CCDC106: variants seen among roughly 807,000 people sequenced by gnomAD.
The protein encoded by CCDC106 is coiled-coil domain containing 106.
In CCDC106, 17 loss-of-function variants were observed where a neutral mutation model predicts 24.7. The observed-to-expected ratio is 0.69, with a 90% CI of 0.47 to 1.03. The LOEUF (loss-of-function observed/expected upper bound fraction) is 1.03. Among genes scored for constraint, CCDC106 ranks in the 50% least tolerant of loss-of-function variants. CCDC106 has a pLI of 0.00. For synonymous variants in CCDC106, 211 were observed against 161.3 expected, an observed-to-expected ratio of 1.31 and a Z score of -2.34; for missense variants, 337 against 388.9, an observed-to-expected ratio of 0.87 and a Z score of 1.12.
chr19:55,649,497 C>T lies in CCDC106; in HGVS notation c.226C>T (p.Gln76Ter), dbSNP rs1983097108. The change falls in exon 3 of 5, where the codon CAG becomes TAG. Residue 76 changes from glutamine to a stop codon, truncating the protein, a stop_gained. Coordinates refer to ENST00000586790, the MANE Select transcript of CCDC106 (RefSeq NM_001370470.1). LOFTEE classifies it high-confidence loss of function. The stretch of plus-strand genomic sequence containing the variant: ...GGCTCTGGAGAGGAACTCCTGGCTG[C>T]AGAAGCGCATCGAGGACCTGGAGGA... ...HMALERNSWL[Q>*]KRIEDLEEER... The T allele has an allele frequency of 6.2e-7, 1 of 1,614,024 alleles. No homozygotes were observed. The highest frequency in any genetic ancestry group is 1.3e-5 in the African/African-American group (1 of 74,928).
At chr19:55,650,177 G>A (rs1369246679) in intron 3 of CCDC106, among the ~76,000 whole-genome samples, 2 of 152,022 alleles carry the variant, frequency 1.3e-5, no homozygotes, top group African/African-American at 4.8e-5. Context: ...TTTTTGGGTG[G>A]TGACCCCAGC....
At position 55,650,390 on chromosome 19, in the gene CCDC106, C is replaced by T. The variant is rs554535623; in HGVS notation, c.313+806C>T. Among the ~76,000 whole-genome samples the T allele has an allele frequency of 1.3e-4, 20 of 152,332 alleles. 1 individual carries two copies. Among genetic ancestry groups the T allele is most frequent in the South Asian group, 8.3e-4 (4 of 4,828 alleles). ...TTTTGGACCCCAGCCCCATCCTCTT[C>T]CCCGGATGGTCAGGCCGTTTGCCCG... On this transcript the variant is annotated intron_variant, in intron 3 of 4. Transcript: ENST00000586790.
At chr19:55,647,865 C>G (rs1336560196), upstream of CCDC106, 1 of 152,114 alleles carries the variant, frequency 6.6e-6, no homozygotes, top group Admixed American at 6.5e-5. Context: ...CAAACACTCT[C>G]CTGCCTTCTG....
In CCDC106 at chr19:55,652,313, G is replaced by C; in HGVS notation, c.527-117G>C. The C allele has an allele frequency of 3.6e-6, 3 of 831,496 alleles. No individual in the cohort carries two copies. The highest frequency in any genetic ancestry group is 5.7e-6 in the Non-Finnish European group (3 of 526,682). 51.5% of individuals were successfully genotyped at this position (831,496 alleles called of 1,614,324 possible). A position where few individuals can be genotyped will look rare whatever the true frequency, so the allele number is the denominator to read the frequency against. On this transcript the variant is annotated intron_variant, in intron 4 of 4. Coordinates refer to ENST00000586790, the MANE Select transcript of CCDC106 (RefSeq NM_001370470.1). This position sits in a 1 kb window ranked among gnomAD's most constrained non-coding sequence, Gnocchi z 5.9. ...GTTGTTCTCCGTCTCCACCTGCACC[G>C]GCCCGTGCCTCTGCTCGCCGAGATC...
Position 55,651,480 on chromosome 19 carries a change from C to T in CCDC106, c.511C>T (p.Arg171Trp), listed in dbSNP as rs767871259. ...GAGGCGCTTTGGGAAGCCCAAGGCC[C>T]GGGAGAGGCAGCGAGGTGAGTGGGG... ...SRRRFGKPKA[R>W]ERQRVKDADG... The change falls in exon 4 of 5, where the codon CGG becomes TGG. Residue 171 changes from arginine (R) to tryptophan (W), a missense_variant. By Grantham distance (101) the Arg-to-Trp change is moderately radical (BLOSUM62 -3). Transcript: ENST00000586790. 20 of 1,580,870 alleles carry T rather than the reference C, an allele frequency of 1.3e-5. No individual in the cohort carries two copies. Among genetic ancestry groups the T allele is most frequent in the African/African-American group, 2.7e-5 (2 of 74,464 alleles).
upstream of CCDC106, among the ~76,000 whole-genome samples, chr19:55,647,558 T>C (rs985495510): frequency 5.9e-5 from 9 of 152,202 alleles, no homozygotes; most frequent in African/African-American, 2.2e-4. Flanking sequence ...GAAGGGCTTG[T>C]AATTTCCCCA....
Position 55,648,821 on chromosome 19 carries a change from T to C in CCDC106, c.-226T>C, listed in dbSNP as rs1043325448. 1.3e-5 allele frequency: 8 copies of C among 601,156 alleles called. No individual in the cohort carries two copies. In the South Asian group the frequency reaches 1.6e-4, roughly 12 times the overall value. The allele number at this position is 601,156 out of a possible 1,614,324, so 37.2% of individuals were successfully genotyped here. On this transcript the variant is annotated 5_prime_UTR_variant, in exon 1 of 5. Transcript: ENST00000586790. ...GGCGGCTGGGCCCCCTGCCCCTGACTCCAGGAGCCCAGGAGTTTGAAGCCC... is the reference window on the plus strand; with the variant it reads ...GGCGGCTGGGCCCCCTGCCCCTGACCCCAGGAGCCCAGGAGTTTGAAGCCC...
At chr19:55,651,105 AC>A (rs1983227937) in intron 3 of CCDC106, among the ~76,000 whole-genome samples, 177 bp from the exon 4 acceptor site, 1 of 151,788 alleles carries the variant, frequency 6.6e-6, no homozygotes, top group African/African-American at 2.4e-5. Context: ...CCTCCCACAG[AC>A]CCCAACTGGC....
In CCDC106 at chr19:55,648,495, G is replaced by T. The variant is rs1983009979; in HGVS notation, c.-552G>T. 6.3e-6 allele frequency: 1 copy of T among 157,870 alleles called. No individual in the cohort carries two copies. Among genetic ancestry groups the T allele is most frequent in the South Asian group, 1.9e-4 (1 of 5,352 alleles). 9.8% of individuals were successfully genotyped at this position (157,870 alleles called of 1,614,324 possible). The stretch of plus-strand genomic sequence containing the variant: ...GCGCACGCGCCCAGCCCCCACCACC[G>T]GGGGACGGTCCGCCCGCCCACGCGA... On this transcript the variant is annotated 5_prime_UTR_variant, in exon 1 of 5. Coordinates refer to ENST00000586790, the MANE Select transcript of CCDC106 (RefSeq NM_001370470.1).
chr19:55,649,682 G>A, intron 3 of CCDC106, 98 bp downstream of exon 3: 1 of 1,191,304 alleles, frequency 8.4e-7, no homozygotes, highest in Non-Finnish European at 1.2e-6. Flanking sequence ...GGCTGGGTGG[G>A]ACCTGCCATG....
At position 55,652,240 on chromosome 19, in the gene CCDC106, C is replaced by G. The variant is rs1983347918; in HGVS notation, c.527-190C>G. Among the ~76,000 whole-genome samples, 1 of 152,026 alleles carries G rather than the reference C, an allele frequency of 6.6e-6. No homozygotes were observed. Among genetic ancestry groups the G allele is most frequent in the African/African-American group, 2.4e-5 (1 of 41,378 alleles). On this transcript the variant is annotated intron_variant, in intron 4 of 4. Coordinates refer to ENST00000586790, the MANE Select transcript of CCDC106 (RefSeq NM_001370470.1). The surrounding 1 kb of genome is among the most constrained non-coding windows in gnomAD (Gnocchi z 5.9). ...TGCCTCTTCCCATTTCCCACTGGTC[C>G]AAGATCTGGCTGCGATTCTTCCCCT...
chr19:55,651,864 G>A (rs758327876), intron 4 of CCDC106, among the ~76,000 whole-genome samples: 1 of 152,046 alleles, frequency 6.6e-6, no homozygotes, highest in African/African-American at 2.4e-5. Flanking sequence ...GGGTTTCACC[G>A]TGTTTGCCAG....
rs1983430469 is a variant in CCDC106 at position 55,652,919 on chromosome 19, G to C, written c.*173G>C. ...CCCGGACCGGCCGCGGCCCCTTCCCGAACGCCGGCACCCCCTTCCGCTTGG... is the reference window on the plus strand; with the variant it reads ...CCCGGACCGGCCGCGGCCCCTTCCCCAACGCCGGCACCCCCTTCCGCTTGG... On this transcript the variant is annotated 3_prime_UTR_variant, in exon 5 of 5. Transcript: ENST00000586790. This position sits in a 1 kb window ranked among gnomAD's most constrained non-coding sequence, Gnocchi z 5.9. 1.7e-6 allele frequency: 1 copy of C among 599,898 alleles called. No individual in the cohort carries two copies. The highest frequency in any genetic ancestry group is 2.9e-5 in the East Asian group (1 of 34,388). 37.2% of individuals were successfully genotyped at this position (599,898 alleles called of 1,614,324 possible). A position where few individuals can be genotyped will look rare whatever the true frequency, so the allele number is the denominator to read the frequency against.
In CCDC106 at chr19:55,648,768, C is replaced by T. The variant is rs867793502; in HGVS notation, c.-279C>T. The T allele has an allele frequency of 1.8e-6, 1 of 549,176 alleles. No homozygotes were observed. The highest frequency in any genetic ancestry group is 4.9e-4 in the Middle Eastern group (1 of 2,052). 34.0% of individuals were successfully genotyped at this position (549,176 alleles called of 1,614,324 possible). On this transcript the variant is annotated 5_prime_UTR_variant, in exon 1 of 5. Transcript: ENST00000586790. Reference sequence around the variant, plus strand: ...TCCTTCGATACCCAGGAGCCCACGTCCCCAGCTCACTTCTCCCCCAGGACC... The same window carrying T: ...TCCTTCGATACCCAGGAGCCCACGTTCCCAGCTCACTTCTCCCCCAGGACC...
At chr19:55,651,187 G>C in intron 3 of CCDC106, 96 bp from the exon 4 acceptor site, 1 of 949,534 alleles carries the variant, frequency 1.1e-6, no homozygotes, top group Non-Finnish European at 1.7e-6. Flanking sequence ...GCCCAGGTTG[G>C]GGGATCCAGT....
At chr19:55,647,690 C>T (rs770693765), upstream of CCDC106, among the ~76,000 whole-genome samples, 1 of 152,174 alleles carries the variant, frequency 6.6e-6, no homozygotes, top group Non-Finnish European at 1.5e-5. Flanking sequence ...TCCTGGCCCT[C>T]ATTTTCCGGG....
Position 55,653,002 on chromosome 19 carries a change from G to GCCC in CCDC106, c.*262_*264dup. On this transcript the variant is annotated 3_prime_UTR_variant, in exon 5 of 5. Coordinates refer to ENST00000586790, the MANE Select transcript of CCDC106 (RefSeq NM_001370470.1). Reference sequence around the variant, plus strand: ...CTCCTGGAAAACCAGGCAGGCGGGTGCCCCCCCCTCGAGTGGGGGACTGTA... The same window carrying GCCC: ...CTCCTGGAAAACCAGGCAGGCGGGTGCCCCCCCCCCCTCGAGTGGGGGACTGTA... The GCCC allele has an allele frequency of 6.7e-6, 3 of 450,646 alleles. No homozygotes were observed. Among genetic ancestry groups the GCCC allele is most frequent in the Non-Finnish European group, 8.0e-6 (2 of 249,512 alleles). The allele number at this position is 450,646 out of a possible 1,614,324, so 27.9% of individuals were successfully genotyped here.
rs1346281525 is a variant in CCDC106 at position 55,649,086 on chromosome 19, G to GCTGGGTCCCCGTCCCTACC, written c.31+19_31+20insGTCCCTACCCTGGGTCCCC. 1 of 1,613,926 alleles carries GCTGGGTCCCCGTCCCTACC rather than the reference G, an allele frequency of 6.2e-7. No homozygotes were observed. Among genetic ancestry groups the GCTGGGTCCCCGTCCCTACC allele is most frequent in the African/African-American group, 1.3e-5 (1 of 74,924 alleles). On this transcript the variant is annotated intron_variant, in intron 1 of 4. Transcript: ENST00000586790. Reference sequence around the variant, plus strand: ...CAGTCGGAGGCGGACAAGTGAGGAAGCTGGGTCCCCTTCCCTACCCTGGGT... The same window carrying GCTGGGTCCCCGTCCCTACC: ...CAGTCGGAGGCGGACAAGTGAGGAAGCTGGGTCCCCGTCCCTACCCTGGGTCCCCTTCCCTACCCTGGGT...
Position 55,651,413 on chromosome 19 carries a change from C to T in CCDC106, c.444C>T (p.Ala148=), listed in dbSNP as rs1162875548. The change falls in exon 4 of 5, where the codon GCC becomes GCT. Residue 148 remains alanine (A), a synonymous_variant. Coordinates refer to ENST00000586790, the MANE Select transcript of CCDC106 (RefSeq NM_001370470.1). Reference sequence around the variant, plus strand: ...GCGGAGCGTCCGAAGAAGGCAGCGCCAGTGAGAGGAGGCGGCAGAAGCAGA... The same window carrying T: ...GCGGAGCGTCCGAAGAAGGCAGCGCTAGTGAGAGGAGGCGGCAGAAGCAGA... ...SLSGASEEGS[A]SERRRQKQKG... 1 of 1,609,162 alleles carries T rather than the reference C, an allele frequency of 6.2e-7. No homozygotes were observed. The highest frequency in any genetic ancestry group is 8.5e-7 in the Non-Finnish European group (1 of 1,178,150).
Sources: gnomAD v4.1 joint callset for allele counts (sites outside exome capture counted in the v4.1 genomes callset) on GRCh38, gnomAD v4.1.1 for gene constraint, Gnocchi (gnomAD v3.1) non-coding constraint, MANE v1.5 for transcripts, NCBI Gene and HGNC (gene_info 2026-07-23, HGNC 2026-07-21) for gene names.